Variants in AGPS observed in about 807,000 individuals in gnomAD.
The protein encoded by AGPS is alkyldihydroxyacetonephosphate synthase, peroxisomal.
Under a neutral mutation model 90.7 loss-of-function variants are expected in AGPS, and 26 were observed. The observed-to-expected ratio is 0.29, with a 90% confidence interval of 0.21 to 0.40. The LOEUF (loss-of-function observed/expected upper bound fraction) is 0.40. AGPS is among the 10% of genes least tolerant of loss of function. The pLI is 1.00. For missense variants in AGPS, 540 were observed against 816.1 expected, an observed-to-expected ratio of 0.66 and a Z score of 4.12; for synonymous variants, 294 against 285.3, an observed-to-expected ratio of 1.03 and a Z score of -0.31.
chr2:177,460,403 A>G (rs749079268), intron 8 of AGPS, among the ~76,000 whole-genome samples: 11 of 152,208 alleles, frequency 7.2e-5, no homozygotes, highest in Non-Finnish European at 1.6e-4. Context: ...TGAAAATAGG[A>G]ATAATAATAG....
chr2:177,394,673 T>TTACCGC (rs1478346282), intron 1 of AGPS, among the ~76,000 whole-genome samples: 2 of 152,240 alleles, frequency 1.3e-5, no homozygotes, highest in African/African-American at 4.8e-5. Flanking sequence ...CACTACACCG[T>TTACCGC]TACAGCTCTA....
chr2:177,395,135 A>G (rs1430445732), intron 1 of AGPS, among the ~76,000 whole-genome samples: 1 of 152,192 alleles, frequency 6.6e-6, no homozygotes, highest in East Asian at 1.9e-4. Flanking sequence ...TCTCATTTGT[A>G]TGCATATATG....
intron 8 of AGPS, among the ~76,000 whole-genome samples, chr2:177,445,876 T>C (rs1174381762): frequency 6.6e-6 from 1 of 152,148 alleles, no homozygotes; most frequent in Non-Finnish European, 1.5e-5. Context: ...GGACAGAAAG[T>C]TCGATAAATA....
Position 177,538,180 on chromosome 2 carries a change from CAG to C in AGPS, c.1964_1965del (p.Arg655LysfsTer44). ...TGGACCCCAATAACATCTTTGGAAA[CAG>C]AAACCTTTTATAAATCCATTAGTAC... is the stretch of plus-strand genomic sequence containing the variant. ...YVDPNNIFGN[R>X]NLL On this transcript the variant is annotated frameshift_variant, in exon 20 of 20. Transcript: ENST00000264167. LOFTEE classifies it high-confidence loss of function. 6.2e-7 allele frequency: 1 copy of C among 1,612,666 alleles called. No homozygotes were observed. Among genetic ancestry groups the C allele is most frequent in the Non-Finnish European group, 8.5e-7 (1 of 1,179,034 alleles).
chr2:177,434,997 G>GGTATA (rs36151985), intron 3 of AGPS, among the ~76,000 whole-genome samples: 2 of 128,160 alleles, frequency 1.6e-5, no homozygotes, highest in South Asian at 2.6e-4. Flanking sequence ...TAAACTGTAG[G>GGTATA]TATATATATA....
intron 18 of AGPS, among the ~76,000 whole-genome samples, chr2:177,522,923 C>CACGAA (rs1412566103): frequency 1.3e-5 from 2 of 152,190 alleles, no homozygotes; most frequent in African/African-American, 2.4e-5. Flanking sequence ...ATTCACGAAT[C>CACGAA]ATTAGGAACT....
chr2:177,394,552 C>T (rs1685115395), intron 1 of AGPS, among the ~76,000 whole-genome samples: 2 of 152,050 alleles, frequency 1.3e-5, no homozygotes. Flanking sequence ...TTACGTGGGG[C>T]AATACATGAT....
intron 10 of AGPS, among the ~76,000 whole-genome samples, chr2:177,471,794 GACA>G (rs1687631191): frequency 6.6e-6 from 1 of 152,098 alleles, no homozygotes; most frequent in Admixed American, 6.5e-5. Context: ...ATACTTGAAG[GACA>G]GCTTGAGTGA....
chr2:177,486,846 CCT>C (rs1688108975), intron 11 of AGPS, among the ~76,000 whole-genome samples: 1 of 151,120 alleles, frequency 6.6e-6, no homozygotes, highest in African/African-American at 2.4e-5. Flanking sequence ...GAGCAAGTAT[CCT>C]CTTTCAATAC....
intron 1 of AGPS, among the ~76,000 whole-genome samples, chr2:177,400,024 T>C (rs1574338093): frequency 6.6e-6 from 1 of 152,358 alleles, no homozygotes; most frequent in East Asian, 1.9e-4. Context: ...TGGTGGTTAC[T>C]TTTGGTCCGA....
At chr2:177,499,809 C>G (rs1422438615) in intron 14 of AGPS, 79 bp downstream of exon 14, 3 of 944,856 alleles carry the variant, frequency 3.2e-6, no homozygotes, top group Non-Finnish European at 5.2e-6. Flanking sequence ...TATTAAAGTA[C>G]TAGGCATTAA....
In AGPS at chr2:177,543,360, A is replaced by T. The variant is rs1416438624; in HGVS notation, c.*5165A>T. Reference sequence around the variant, plus strand: ...GGACAATGATTAAATCTTATGAGAAATATATGTAGGTTATATTAATTCTTG... The same window carrying T: ...GGACAATGATTAAATCTTATGAGAATTATATGTAGGTTATATTAATTCTTG... On this transcript the variant is annotated 3_prime_UTR_variant, in exon 20 of 20. Transcript: ENST00000264167. The T allele has an allele frequency of 6.6e-6, 1 of 152,190 alleles. No individual in the cohort carries two copies. The highest frequency in any genetic ancestry group is 2.4e-5 in the African/African-American group (1 of 41,446). The allele number at this position is 152,190 out of a possible 1,614,324, so 9.4% of individuals were successfully genotyped here.
At chr2:177,491,012 C>T (rs1045004358) in intron 11 of AGPS, among the ~76,000 whole-genome samples, 7 of 151,716 alleles carry the variant, frequency 4.6e-5, no homozygotes, top group Non-Finnish European at 1.0e-4. Context: ...TGCACCACCA[C>T]GGCTGGGTAA....
rs2079213953 is a variant in AGPS, at chr2:177,539,606, A to G, written c.*1411A>G. 1 of 152,054 alleles carries G rather than the reference A, an allele frequency of 6.6e-6. No individual in the cohort carries two copies. The highest frequency in any genetic ancestry group is 6.6e-5 in the Admixed American group (1 of 15,236). The allele number at this position is 152,054 out of a possible 1,614,324, so 9.4% of individuals were successfully genotyped here. A position where few individuals can be genotyped will look rare whatever the true frequency, so the allele number is the denominator to read the frequency against. On this transcript the variant is annotated 3_prime_UTR_variant, in exon 20 of 20. Transcript: ENST00000264167. ...TGTCTGTGTATGTAGCAACAGCTCCAAAGTATTTTTGGGCAGTTTGATACC... is the reference window on the plus strand; with the variant it reads ...TGTCTGTGTATGTAGCAACAGCTCCGAAGTATTTTTGGGCAGTTTGATACC...
chr2:177,538,472 G>A lies in AGPS; in HGVS notation c.*277G>A. 4 of 419,742 alleles carry A rather than the reference G, an allele frequency of 9.5e-6. No homozygotes were observed. Among genetic ancestry groups the A allele is most frequent in the South Asian group, 7.2e-5 (3 of 41,646 alleles). 26.0% of individuals were successfully genotyped at this position (419,742 alleles called of 1,614,324 possible). ...CAGCACAAAGCTGTCAATTATTCCAGAGGAAGCTGCTGCCAGCTGTTTTGT... is the reference window on the plus strand; with the variant it reads ...CAGCACAAAGCTGTCAATTATTCCAAAGGAAGCTGCTGCCAGCTGTTTTGT... On this transcript the variant is annotated 3_prime_UTR_variant, in exon 20 of 20. Coordinates refer to ENST00000264167, the MANE Select transcript of AGPS (RefSeq NM_003659.4).
chr2:177,438,730 A>G (rs916122437), intron 5 of AGPS, among the ~76,000 whole-genome samples: 29 of 152,176 alleles, frequency 1.9e-4, no homozygotes, highest in African/African-American at 7.0e-4. Context: ...AAGAATCTGT[A>G]TGAATGGTGT....
intron 17 of AGPS, among the ~76,000 whole-genome samples, chr2:177,517,375 A>C (rs1689049564): frequency 6.6e-6 from 1 of 152,136 alleles, no homozygotes; most frequent in Non-Finnish European, 1.5e-5. Flanking sequence ...AAGGCTTACT[A>C]ATTATTAATG....
chr2:177,497,268 T>C (rs1688438068), intron 12 of AGPS, among the ~76,000 whole-genome samples: 1 of 151,856 alleles, frequency 6.6e-6, no homozygotes, highest in Non-Finnish European at 1.5e-5. Flanking sequence ...AACTCCATAT[T>C]TGGATAGTTC....
At chr2:177,505,838 G>A (rs1462673166) in intron 15 of AGPS, among the ~76,000 whole-genome samples, 1 of 151,844 alleles carries the variant, frequency 6.6e-6, no homozygotes, top group Non-Finnish European at 1.5e-5. Context: ...CTGTTTAAAA[G>A]TTGAGCATAC....
Sources: allele counts gnomAD v4.1 joint callset (sites outside exome capture counted in the v4.1 genomes callset), GRCh38; gene constraint gnomAD v4.1.1; transcripts MANE v1.5; gene names NCBI Gene and HGNC (gene_info 2026-07-23, HGNC 2026-07-21).